Variants in KIF16B observed in about 807,000 individuals in gnomAD.
KIF16B encodes the protein kinesin-like protein KIF16B.
Under a neutral mutation model 156.3 loss-of-function variants are expected in KIF16B, and 98 were observed. The observed-to-expected ratio is 0.63, with a 90% CI of 0.53 to 0.74. The LOEUF is 0.74. Among genes scored for constraint, KIF16B ranks in the 30% least tolerant of loss-of-function variants. KIF16B has a pLI of 0.00. For synonymous variants in KIF16B, 564 were observed against 583.7 expected, an observed-to-expected ratio of 0.97 and a Z score of 0.49; for missense variants, 1,421 against 1,606.5, an observed-to-expected ratio of 0.88 and a Z score of 1.97.
chr20:16,400,317 G>A (rs1338217748), intron 17 of KIF16B, among the ~76,000 whole-genome samples: 2 of 152,202 alleles, frequency 1.3e-5, no homozygotes. Context: ...ATAAGATACT[G>A]CCTCACACAC....
rs535864417 is a variant in KIF16B, at chr20:16,461,594, T to C, written c.1303-31612A>G. On this transcript the variant is annotated intron_variant, in intron 12 of 25. Coordinates refer to ENST00000354981, the MANE Select transcript of KIF16B (RefSeq NM_024704.5). ...ACAACTCAAGACCACACTGAGGATA[T>C]ACAACCAGATAGAAGAGCTCTTTCT... 2.0e-5 allele frequency among the ~76,000 whole-genome samples: 3 copies of C among 152,324 alleles called. No homozygotes were observed. In the South Asian group the frequency reaches 6.2e-4, roughly 32 times the overall value.
chr20:16,457,858 G>C (rs1267806513), intron 12 of KIF16B, among the ~76,000 whole-genome samples: 1 of 150,674 alleles, frequency 6.6e-6, no homozygotes, highest in Non-Finnish European at 1.5e-5. Context: ...CAAGATCACA[G>C]AAAGATGGAG....
chr20:16,494,324 T>G lies in KIF16B; in HGVS notation c.1269A>C (p.Thr423=), dbSNP rs1222098293. The G allele has an allele frequency of 6.2e-7, 1 of 1,602,864 alleles. No individual in the cohort carries two copies. Among genetic ancestry groups the G allele is most frequent in the East Asian group, 2.2e-5 (1 of 44,590 alleles). ...TATTTTGGGTTTCATTCCACTTATT[T>G]GTCCATTCCTTGGTCAATTCTTGAA... is the stretch of plus-strand genomic sequence containing the variant. ...ARVQELTKEW[T]NKWNETQNIL... is the part of the protein sequence containing the mutation. Residue 423 remains threonine, a synonymous_variant, in exon 12 of 26, where the codon ACA becomes ACC. Transcript: ENST00000354981.
chr20:16,316,193 C>T (rs1183634165), intron 24 of KIF16B, among the ~76,000 whole-genome samples: 1 of 152,210 alleles, frequency 6.6e-6, no homozygotes, highest in Non-Finnish European at 1.5e-5. Flanking sequence ...AAAACTTCGA[C>T]ACTTAAGTGA....
intron 17 of KIF16B, among the ~76,000 whole-genome samples, chr20:16,397,335 G>T (rs766685625): frequency 5.9e-5 from 9 of 152,204 alleles, no homozygotes; most frequent in Non-Finnish European, 1.3e-4. Flanking sequence ...CAAGTATCAC[G>T]CATGTGTGCG....
chr20:16,319,746 G>T (rs1016008579), intron 24 of KIF16B, among the ~76,000 whole-genome samples: 3 of 152,166 alleles, frequency 2.0e-5, no homozygotes, highest in African/African-American at 7.2e-5. Context: ...ACTTCCAGGA[G>T]CCCCACCAGG....
intron 25 of KIF16B, among the ~76,000 whole-genome samples, chr20:16,306,497 A>C (rs1214451724): frequency 6.6e-6 from 1 of 152,214 alleles, no homozygotes; most frequent in African/African-American, 2.4e-5. Context: ...TTCAGATTAC[A>C]ATCTTACAGG....
At chr20:16,486,882 G>A (rs939708440) in intron 12 of KIF16B, among the ~76,000 whole-genome samples, 14 of 152,110 alleles carry the variant, frequency 9.2e-5, no homozygotes, top group African/African-American at 3.1e-4. Flanking sequence ...AAATCTAGGA[G>A]AAATCGATGA....
intron 14 of KIF16B, 83 bp downstream of exon 14, chr20:16,428,870 C>T (rs1201535540): frequency 1.2e-5 from 13 of 1,089,328 alleles, no homozygotes; most frequent in Non-Finnish European, 1.4e-5. Context: ...ATAATTACTT[C>T]AATGTCAGTC....
chr20:16,518,736 G>A (rs1409586747), intron 3 of KIF16B, among the ~76,000 whole-genome samples: 1 of 152,042 alleles, frequency 6.6e-6, no homozygotes, highest in Non-Finnish European at 1.5e-5. Flanking sequence ...AATATTAACG[G>A]TCATCTTACT....
At chr20:16,318,367 A>G (rs923983780) in intron 24 of KIF16B, among the ~76,000 whole-genome samples, 1 of 152,330 alleles carries the variant, frequency 6.6e-6, no homozygotes, top group Non-Finnish European at 1.5e-5. Flanking sequence ...AATAGAGCCC[A>G]AAGAAGTAAA....
intron 12 of KIF16B, among the ~76,000 whole-genome samples, chr20:16,440,304 A>G (rs1260167918): frequency 6.6e-6 from 1 of 152,152 alleles, no homozygotes; most frequent in African/African-American, 2.4e-5. Context: ...ACAATAGTTA[A>G]TATGGCCAGA....
intron 24 of KIF16B, among the ~76,000 whole-genome samples, chr20:16,315,264 T>C (rs2063680541): frequency 6.6e-6 from 1 of 152,160 alleles, no homozygotes; most frequent in Admixed American, 6.5e-5. Flanking sequence ...GCAACACTGT[T>C]GTTCAGATTT....
chr20:16,373,468 A>T (rs2064871946), intron 20 of KIF16B, among the ~76,000 whole-genome samples: 1 of 152,206 alleles, frequency 6.6e-6, no homozygotes, highest in South Asian at 2.1e-4. Context: ...GATTTTTCTA[A>T]GGGCTCTAAG....
At chr20:16,428,126 T>C (rs1208831113) in intron 14 of KIF16B, among the ~76,000 whole-genome samples, 1 of 152,148 alleles carries the variant, frequency 6.6e-6, no homozygotes, top group African/African-American at 2.4e-5. Context: ...TCTGGGGACT[T>C]CTAGAAAATG....
chr20:16,406,518 A>C lies in KIF16B; in HGVS notation c.1613-62T>G, dbSNP rs2065791367. 5.5e-6 allele frequency: 7 copies of C among 1,274,658 alleles called. No individual in the cohort carries two copies. In the East Asian group the frequency reaches 1.6e-4, roughly 30 times the overall value. The allele number at this position is 1,274,658 out of a possible 1,614,324, so 79.0% of individuals were successfully genotyped here. On this transcript the variant is annotated intron_variant, in intron 15 of 25. Transcript: ENST00000354981. Reference sequence around the variant, plus strand: ...AGCAGTCTGGTCAGTTGCCAATACCATAACATGGAATTCTACTGTTGAAAT... The same window carrying C: ...AGCAGTCTGGTCAGTTGCCAATACCCTAACATGGAATTCTACTGTTGAAAT...
intron 15 of KIF16B, among the ~76,000 whole-genome samples, chr20:16,414,432 CG>C (rs536218008): frequency 1.5e-4 from 23 of 152,198 alleles, no homozygotes; most frequent in South Asian, 4.1e-4. Flanking sequence ...CAAAAAGCTA[CG>C]TTGACCTTGT....
At chr20:16,325,315 C>T (rs1371843633) in intron 24 of KIF16B, among the ~76,000 whole-genome samples, 1 of 151,776 alleles carries the variant, frequency 6.6e-6, no homozygotes, top group African/African-American at 2.4e-5. Flanking sequence ...AGCAATCAGA[C>T]AAGAGAAAGA....
intron 22 of KIF16B, chr20:16,368,939 C>T: frequency 3.0e-6 from 3 of 985,852 alleles, no homozygotes; most frequent in Non-Finnish European, 3.6e-6. Flanking sequence ...AAATCTTCTG[C>T]ATCATCGGTG....
Sources: gnomAD v4.1 joint callset for allele counts (sites outside exome capture counted in the v4.1 genomes callset) on GRCh38, gnomAD v4.1.1 for gene constraint, MANE v1.5 for transcripts, NCBI Gene and HGNC (gene_info 2026-07-23, HGNC 2026-07-21) for gene names.